The following CHP1 variants were observed in gnomAD, a reference collection of about 807,000 sequenced individuals.
CHP1 encodes calcineurin like EF-hand protein 1, also known as calcineurin B homologous protein 1.
A neutral mutation model predicts 27.4 loss-of-function variants in CHP1; 11 were observed. That is an observed-to-expected ratio of 0.40 (90% confidence interval 0.25 to 0.67). CHP1 has a LOEUF of 0.67. Among genes scored for constraint, CHP1 ranks in the 30% least tolerant of loss-of-function variants. The pLI is 0.38. For missense variants in CHP1, 169 were observed against 251.3 expected, an observed-to-expected ratio of 0.67 and a Z score of 2.22; for synonymous variants, 89 against 87.4, an observed-to-expected ratio of 1.02 and a Z score of -0.10.
At position 41,280,438 on chromosome 15, in the gene CHP1, T is replaced by A. The variant is rs2047539589; in HGVS notation, c.*1049T>A. ...TGCCTCAGTGTTATGTGCACTGGAA[T>A]GTTTTCCACTTCACATTTCCAAGTA... On this transcript the variant is annotated 3_prime_UTR_variant, in exon 7 of 7. Transcript: ENST00000334660. 1 of 152,454 alleles carries A rather than the reference T, an allele frequency of 6.6e-6. No homozygotes were observed. The highest frequency in any genetic ancestry group is 1.5e-5 in the Non-Finnish European group (1 of 68,092). The allele number at this position is 152,454 out of a possible 1,614,324, so 9.4% of individuals were successfully genotyped here. A position where few individuals can be genotyped will look rare whatever the true frequency, so the allele number is the denominator to read the frequency against.
chr15:41,253,703 C>T (rs2047383262), intron 2 of CHP1, among the ~76,000 whole-genome samples: 1 of 151,940 alleles, frequency 6.6e-6, no homozygotes. Context: ...ATCCTCCCGC[C>T]TCGGCCTCCC....
chr15:41,274,254 T>C (rs1019503296), intron 5 of CHP1, among the ~76,000 whole-genome samples: 6 of 152,038 alleles, frequency 3.9e-5, no homozygotes, highest in Non-Finnish European at 8.8e-5. Flanking sequence ...CCACCGCACC[T>C]GGCCTAATAA....
chr15:41,253,628 G>GT (rs1443907036), intron 2 of CHP1, among the ~76,000 whole-genome samples: 7 of 150,800 alleles, frequency 4.6e-5, no homozygotes, highest in Non-Finnish European at 7.4e-5. Flanking sequence ...CTAATTTTTT[G>GT]TTTTTTTAGT....
At position 41,234,012 on chromosome 15, in the gene CHP1, G is replaced by A. The variant is rs996735379; in HGVS notation, c.67+2563G>A. The A allele has an allele frequency of 2.6e-5, 4 of 152,124 alleles. No homozygotes were observed. In the East Asian group the frequency reaches 7.7e-4, roughly 29 times the overall value. The allele number at this position is 152,124 out of a possible 1,614,324, so 9.4% of individuals were successfully genotyped here. On this transcript the variant is annotated intron_variant, in intron 1 of 6. Transcript: ENST00000334660. ...CTCCCAGGCCGGACTGCAGTGGCTT[G>A]AGCATAGCTCACTGCAAGCCTTAAA...
At position 41,243,794 on chromosome 15, in the gene CHP1, G is replaced by A. The variant is rs986426197; in HGVS notation, c.140+55G>A. 2.0e-6 allele frequency: 3 copies of A among 1,475,412 alleles called. No individual in the cohort carries two copies. In the African/African-American group the frequency reaches 4.2e-5, roughly 20 times the overall value. The allele number at this position is 1,475,412 out of a possible 1,614,324, so 91.4% of individuals were successfully genotyped here. On this transcript the variant is annotated intron_variant, in intron 2 of 6. Transcript: ENST00000334660. ...CAGAAACCAGAAACCCTCTGGCAGT[G>A]TCTGAATAGCTGCCTTTATCCCTAG...
At chr15:41,279,273 T>TA in intron 6 of CHP1, 63 bp from the exon 7 acceptor site, 1 of 1,314,570 alleles carries the variant, frequency 7.6e-7, no homozygotes, top group Non-Finnish European at 1.1e-6. Context: ...ATTACTCAGA[T>TA]AAGAGCTTGG....
intron 2 of CHP1, among the ~76,000 whole-genome samples, chr15:41,246,624 CTTTTTTTTTTT>C (rs561426550): frequency 7.0e-5 from 4 of 57,284 alleles, no homozygotes; most frequent in Admixed American, 2.2e-4. Flanking sequence ...GGCCAAAAAG[CTTTTTTTTTTT>C]TTTTTTTTTT....
intron 2 of CHP1, chr15:41,256,673 C>G (rs1431963857): frequency 1.9e-6 from 1 of 524,900 alleles, no homozygotes; most frequent in Non-Finnish European, 3.4e-6. Flanking sequence ...AACCTGTGTG[C>G]TAAATTCACT....
At chr15:41,243,208 G>C (rs957851946) in intron 1 of CHP1, among the ~76,000 whole-genome samples, 10 of 152,064 alleles carry the variant, frequency 6.6e-5, no homozygotes, top group African/African-American at 2.4e-4. Context: ...GGGTGTGGTG[G>C]CGGAAGCCTG....
rs577742808 is a variant in CHP1 at position 41,247,701 on chromosome 15, G to A, written c.140+3962G>A. 2.9e-4 allele frequency among the ~76,000 whole-genome samples: 43 copies of A among 150,770 alleles called. 1 individual carries two copies. The South Asian group carries it at 6.5e-3, about 23-fold the overall frequency. ...TAAATAAATAAATAGGGCCGGGCGCGGTGGTTCACGCCTGTAATCCCAGCA... is the reference window on the plus strand; with the variant it reads ...TAAATAAATAAATAGGGCCGGGCGCAGTGGTTCACGCCTGTAATCCCAGCA... On this transcript the variant is annotated intron_variant, in intron 2 of 6. Transcript: ENST00000334660.
chr15:41,261,445 C>T (rs992158624), intron 3 of CHP1, among the ~76,000 whole-genome samples: 17 of 151,984 alleles, frequency 1.1e-4, no homozygotes, highest in African/African-American at 3.9e-4. Flanking sequence ...CATGGACCAC[C>T]GTGCCCAGCC....
intron 2 of CHP1, among the ~76,000 whole-genome samples, chr15:41,249,153 G>A (rs1402645811): frequency 1.3e-5 from 2 of 152,090 alleles, no homozygotes; most frequent in Non-Finnish European, 2.9e-5. Flanking sequence ...CCAATCTTTT[G>A]TTACCTGGAA....
chr15:41,261,992 CAAAAAAA>C (rs34691506), intron 3 of CHP1, among the ~76,000 whole-genome samples: 1 of 84,042 alleles, frequency 1.2e-5, no homozygotes, highest in Admixed American at 1.4e-4. Context: ...AACTCCATCT[CAAAAAAA>C]AAAAAAAAAA....
intron 5 of CHP1, among the ~76,000 whole-genome samples, chr15:41,273,299 T>G (rs1203596292): frequency 6.6e-6 from 1 of 152,178 alleles, no homozygotes; most frequent in East Asian, 1.9e-4. Context: ...ACCAACACTT[T>G]AAAGAAGAAA....
At chr15:41,250,392 A>G (rs1038992271) in intron 2 of CHP1, among the ~76,000 whole-genome samples, 2 of 151,986 alleles carry the variant, frequency 1.3e-5, no homozygotes, top group African/African-American at 4.8e-5. Flanking sequence ...ATTGCCATAG[A>G]GATTGTTTTT....
chr15:41,252,334 GATTTTT>G (rs1461964561), intron 2 of CHP1, among the ~76,000 whole-genome samples: 1 of 151,420 alleles, frequency 6.6e-6, no homozygotes, highest in Non-Finnish European at 1.5e-5. Flanking sequence ...ACGCCCGTCT[GATTTTT>G]GTATTTTTAG....
intron 6 of CHP1, among the ~76,000 whole-genome samples, 175 bp from the exon 7 acceptor site, chr15:41,279,161 A>G (rs1595484621): frequency 6.6e-6 from 1 of 151,578 alleles, no homozygotes; most frequent in African/African-American, 2.4e-5. Flanking sequence ...CAGTGAGCCG[A>G]GACCACACCA....
At chr15:41,268,316 G>A (rs530560728) in intron 4 of CHP1, among the ~76,000 whole-genome samples, 2 of 152,274 alleles carry the variant, frequency 1.3e-5, no homozygotes, top group African/African-American at 4.8e-5. Flanking sequence ...CAGCACTTTG[G>A]GAGGCTGAGG....
chr15:41,278,950 C>T (rs1354469817), intron 6 of CHP1, 61 bp downstream of exon 6: 71 of 1,600,256 alleles, frequency 4.4e-5, no homozygotes, highest in African/African-American at 5.4e-5. Context: ...CGGTGGCTTA[C>T]GCCTGTAATC....
Sources: gnomAD v4.1 joint callset for allele counts (sites outside exome capture counted in the v4.1 genomes callset) on GRCh38, gnomAD v4.1.1 for gene constraint, MANE v1.5 for transcripts, NCBI Gene and HGNC (gene_info 2026-07-23, HGNC 2026-07-21) for gene names.